Variants in ZNF724 observed in about 807,000 individuals in gnomAD.
ZNF724 encodes zinc finger protein 724, also known as zinc finger protein 724 pseudogene.
In ZNF724, 14 loss-of-function variants were observed where a neutral mutation model predicts 29.3. The ratio of observed to expected loss-of-function variants is 0.48; its 90% confidence interval spans 0.32 to 0.75. ZNF724 has a LOEUF of 0.75. Among genes scored for constraint, ZNF724 ranks in the 30% least tolerant of loss-of-function variants. The pLI, the probability that ZNF724 is intolerant of heterozygous loss-of-function variation, is 0.04. For missense variants in ZNF724, 557 were observed against 571.2 expected, an observed-to-expected ratio of 0.98 and a Z score of 0.25; for synonymous variants, 180 against 193.6, an observed-to-expected ratio of 0.93 and a Z score of 0.58.
chr19:23,240,330 A>C (rs990291770), intron 1 of ZNF724, among the ~76,000 whole-genome samples: 2 of 151,786 alleles, frequency 1.3e-5, no homozygotes, highest in African/African-American at 4.8e-5. Flanking sequence ...AAGGATGAAA[A>C]CTGAGAATGG....
rs375985902 is a variant in ZNF724 at position 23,239,616 on chromosome 19, A to C, written c.4-7323T>G. On this transcript the variant is annotated intron_variant, in intron 1 of 3. Transcript: ENST00000418100. ...ATAGCACTAACTACTCACATCAAAA[A>C]CTTAGAAATCAATTTAAATACCTAA... Among the ~76,000 whole-genome samples the C allele has an allele frequency of 2.0e-5, 3 of 152,130 alleles. No individual in the cohort carries two copies. The South Asian group carries it at 6.2e-4, about 32-fold the overall frequency.
At chr19:23,232,088 A>T in intron 2 of ZNF724, 79 bp downstream of exon 2, 1 of 1,130,046 alleles carries the variant, frequency 8.8e-7, no homozygotes, top group Non-Finnish European at 1.3e-6. Context: ...GCAAAGATCA[A>T]TTACCAAAAA....
intron 1 of ZNF724, among the ~76,000 whole-genome samples, chr19:23,234,560 T>C (rs1246051401): frequency 6.6e-6 from 1 of 152,074 alleles, no homozygotes; most frequent in Non-Finnish European, 1.5e-5. Flanking sequence ...AAAGAGATTC[T>C]CCAGCCTCAG....
At chr19:23,245,485 C>T (rs958111106) in intron 1 of ZNF724, among the ~76,000 whole-genome samples, 7 of 152,042 alleles carry the variant, frequency 4.6e-5, no homozygotes, top group African/African-American at 7.2e-5. Context: ...TGGTGGCGGG[C>T]GCCAGTAGTC....
chr19:23,234,344 G>T (rs746725822), intron 1 of ZNF724, among the ~76,000 whole-genome samples: 3 of 152,180 alleles, frequency 2.0e-5, no homozygotes, highest in Non-Finnish European at 2.9e-5. Context: ...TAATTTGAGT[G>T]CCTACACCTA....
intron 3 of ZNF724, among the ~76,000 whole-genome samples, chr19:23,224,713 T>C (rs1188517383): frequency 2.4e-5 from 1 of 41,032 alleles, no homozygotes. Flanking sequence ...CCCAACACTT[T>C]GGCGTGCCGG....
chr19:23,238,613 T>G (rs990800227), intron 1 of ZNF724, among the ~76,000 whole-genome samples: 7 of 152,078 alleles, frequency 4.6e-5, no homozygotes, highest in Non-Finnish European at 7.4e-5. Context: ...TTATATTTTC[T>G]CCTATAAAAG....
intron 1 of ZNF724, among the ~76,000 whole-genome samples, chr19:23,244,042 T>G (rs1468050719): frequency 6.6e-6 from 1 of 151,992 alleles, no homozygotes; most frequent in African/African-American, 2.4e-5. Context: ...ATCTTACCTA[T>G]GTAATAAACC....
Position 23,226,303 on chromosome 19 carries a change from G to A in ZNF724, c.227-2285C>T, listed in dbSNP as rs554294679. Among the ~76,000 whole-genome samples the A allele has an allele frequency of 2.9e-4, 44 of 152,092 alleles. 1 individual carries two copies. In the East Asian group the frequency reaches 7.9e-3, roughly 27 times the overall value. ...CCTGACCTCGTGATCTGCCCACCTC[G>A]GCCTCCCAAAGTGCTGGGATTACAG... On this transcript the variant is annotated intron_variant, in intron 3 of 3. Coordinates refer to ENST00000418100, the MANE Select transcript of ZNF724 (RefSeq NM_001355404.2).
At position 23,225,037 on chromosome 19, in the gene ZNF724, T is replaced by C. The variant is rs1287594450; in HGVS notation, c.227-1019A>G. ...CAATGCTATGAAAATGAAACTTATG[T>C]TGATTGTTGATGGAAACCAAGGATG... On this transcript the variant is annotated intron_variant, in intron 3 of 3. Transcript: ENST00000418100. 3.9e-5 allele frequency among the ~76,000 whole-genome samples: 6 copies of C among 152,026 alleles called. No individual in the cohort carries two copies. The South Asian group carries it at 1.0e-3, about 26-fold the overall frequency.
In ZNF724 at chr19:23,222,795, C is replaced by T; in HGVS notation, c.1450G>A (p.Gly484Ser). Reference protein sequence around the residue: ...GEKPYKCEECGKAFNLSSHLT... With the variant: ...GEKPYKCEECSKAFNLSSHLT... ...TGTGAGGATAGGTTAAAAGCTTTGC[C>T]ACATTCTTCACATTTGTAGGGTTTC... The change falls in exon 4 of 4, where the codon GGC becomes AGC. Residue 484 changes from glycine to serine, a missense_variant. By Grantham distance (56) the Gly-to-Ser change is moderately conservative. Transcript: ENST00000418100. The T allele has an allele frequency of 7.1e-7, 1 of 1,415,042 alleles. No individual in the cohort carries two copies. Among genetic ancestry groups the T allele is most frequent in the Non-Finnish European group, 9.9e-7 (1 of 1,007,384 alleles). The allele number at this position is 1,415,042 out of a possible 1,614,324, so 87.7% of individuals were successfully genotyped here.
At chr19:23,238,228 G>A (rs1352184891) in intron 1 of ZNF724, among the ~76,000 whole-genome samples, 1 of 152,150 alleles carries the variant, frequency 6.6e-6, no homozygotes, top group East Asian at 1.9e-4. Flanking sequence ...AGCCGCATGT[G>A]GTGGTGGGCG....
At chr19:23,243,365 A>G (rs1014578007) in intron 1 of ZNF724, among the ~76,000 whole-genome samples, 14 of 149,308 alleles carry the variant, frequency 9.4e-5, no homozygotes. Flanking sequence ...AATCCCAGCT[A>G]TTCAGGAGGC....
At chr19:23,248,664 T>C (rs1256078309) in intron 1 of ZNF724, among the ~76,000 whole-genome samples, 11 of 150,974 alleles carry the variant, frequency 7.3e-5, no homozygotes, top group Admixed American at 7.3e-4. Flanking sequence ...TAAGCTCCAA[T>C]TACACAACCA....
At chr19:23,232,772 A>G (rs1160558751) in intron 1 of ZNF724, among the ~76,000 whole-genome samples, 2 of 150,998 alleles carry the variant, frequency 1.3e-5, no homozygotes, top group Non-Finnish European at 2.9e-5. Flanking sequence ...TTTTGCCCCA[A>G]AGAAAAATAT....
rs777626530 is a variant in ZNF724, at chr19:23,222,426, T to C, written c.1819A>G (p.Thr607Ala). ...TCTACAGCATGAATTTTCTTGTGTGTAGTAAGGTTTGAGCATTGGTTAAAA... is the reference window on the plus strand; with the variant it reads ...TCTACAGCATGAATTTTCTTGTGTGCAGTAAGGTTTGAGCATTGGTTAAAA... ...KAFNQCSNLT[T>A]HKKIHAVEKS... is the part of the protein sequence containing the mutation. The change falls in exon 4 of 4, where the codon ACA (threonine) becomes GCA (alanine). Residue 607 changes from threonine to alanine, a missense_variant. By Grantham distance (58) the Thr-to-Ala change is moderately conservative. Transcript: ENST00000418100. The C allele has an allele frequency of 1.6e-6, 2 of 1,228,608 alleles. No homozygotes were observed. The highest frequency in any genetic ancestry group is 3.4e-5 in the Admixed American group (2 of 58,998). 76.1% of individuals were successfully genotyped at this position (1,228,608 alleles called of 1,614,324 possible). A position where few individuals can be genotyped will look rare whatever the true frequency, so the allele number is the denominator to read the frequency against.
intron 1 of ZNF724, among the ~76,000 whole-genome samples, chr19:23,232,678 T>C (rs1971957230): frequency 1.4e-5 from 1 of 70,292 alleles, no homozygotes; most frequent in Non-Finnish European, 2.9e-5. Flanking sequence ...GGAAATCTTG[T>C]TATGCTTTTT....
At chr19:23,225,730 T>A (rs945659465) in intron 3 of ZNF724, among the ~76,000 whole-genome samples, 2 of 152,180 alleles carry the variant, frequency 1.3e-5, no homozygotes, top group African/African-American at 2.4e-5. Context: ...ATATGAGATA[T>A]GTTATAAAGA....
At chr19:23,238,353 C>A (rs972738196) in intron 1 of ZNF724, among the ~76,000 whole-genome samples, 3 of 81,956 alleles carry the variant, frequency 3.7e-5, no homozygotes, top group Non-Finnish European at 8.4e-5. Context: ...AGCGAGACTC[C>A]ACCTCAAAAA....
Sources: gnomAD v4.1 joint callset for allele counts (sites outside exome capture counted in the v4.1 genomes callset) on GRCh38, gnomAD v4.1.1 for gene constraint, MANE v1.5 for transcripts, NCBI Gene and HGNC (gene_info 2026-07-23, HGNC 2026-07-21) for gene names.